Variants in ANK3 observed in about 807,000 individuals in gnomAD.
The protein encoded by ANK3 is ankyrin-3.
Under a neutral mutation model 370.9 loss-of-function variants are expected in ANK3, and 57 were observed. The ratio of observed to expected loss-of-function variants is 0.15; its 90% CI spans 0.12 to 0.19. ANK3 has a LOEUF of 0.19. Among genes scored for constraint, ANK3 ranks in the 10% least tolerant of loss-of-function variants. ANK3 has a pLI of 1.00. For synonymous variants in ANK3, 1,929 were observed against 1,946.3 expected (o/e 0.99, Z 0.23); for missense variants, 4,439 against 5,302.1 (o/e 0.84, Z 5.06).
intron 16 of ANK3, among the ~76,000 whole-genome samples, chr10:60,192,174 G>A (rs1263171527): frequency 6.6e-6 from 1 of 152,072 alleles, no homozygotes; most frequent in Non-Finnish European, 1.5e-5. Flanking sequence ...TTACAGGCGT[G>A]AGCCACCGCA....
At chr10:60,728,322 T>G (rs955540476) in intron 1 of ANK3, among the ~76,000 whole-genome samples, 2 of 152,198 alleles carry the variant, frequency 1.3e-5, no homozygotes, top group African/African-American at 4.8e-5. Context: ...TGACATGTCA[T>G]CTTACCACTT....
At chr10:60,333,764 C>T (rs1407648193) in intron 1 of ANK3, among the ~76,000 whole-genome samples, 1 of 152,210 alleles carries the variant, frequency 6.6e-6, no homozygotes, top group Non-Finnish European at 1.5e-5. Context: ...CTCCCACCAA[C>T]AGTGTAAAAG....
At position 60,417,703 on chromosome 10, in the gene ANK3, G is replaced by C. The variant is rs147809618; in HGVS notation, c.97-138064C>G. ...CTACTGGAGGGACACAGACTGGCAG[G>C]TGGATGATGTCACAATTAGGACCAA... is the stretch of plus-strand genomic sequence containing the variant. On this transcript the variant is annotated intron_variant, in intron 2 of 43. Transcript: ENST00000373827. Among the ~76,000 whole-genome samples the C allele has an allele frequency of 3.7e-4, 57 of 152,254 alleles. No homozygotes were observed. The East Asian group carries it at 9.3e-3, about 25-fold the overall frequency.
chr10:60,179,863 C>A (rs1360949755), intron 18 of ANK3, among the ~76,000 whole-genome samples: 1 of 152,108 alleles, frequency 6.6e-6, no homozygotes, highest in Non-Finnish European at 1.5e-5. Context: ...CCTCACCATA[C>A]TCCCTGGCTG....
chr10:60,504,807 G>A (rs2133150635), intron 2 of ANK3, among the ~76,000 whole-genome samples: 1 of 151,962 alleles, frequency 6.6e-6, no homozygotes, highest in African/African-American at 2.4e-5. Flanking sequence ...CAGAGAGGAG[G>A]GAAAAGTAGA....
chr10:60,446,626 G>A (rs1048514970), intron 2 of ANK3, among the ~76,000 whole-genome samples: 13 of 152,116 alleles, frequency 8.5e-5, no homozygotes, highest in African/African-American at 3.1e-4. Flanking sequence ...TTTCCATACA[G>A]CCAAGGGCAG....
At chr10:60,663,527 C>A (rs562933861) in intron 1 of ANK3, among the ~76,000 whole-genome samples, 2 of 152,286 alleles carry the variant, frequency 1.3e-5, no homozygotes, top group African/African-American at 4.8e-5. Flanking sequence ...GTGGTCCAGG[C>A]TTGGAGGGAA....
intron 27 of ANK3, among the ~76,000 whole-genome samples, chr10:60,107,396 A>T (rs2092299347): frequency 6.6e-6 from 1 of 152,182 alleles, no homozygotes; most frequent in African/African-American, 2.4e-5. Flanking sequence ...ATGTGGCTTT[A>T]TGTATGATGT....
chr10:60,424,174 T>C lies in ANK3; in HGVS notation c.97-144535A>G, dbSNP rs183568437. Among the ~76,000 whole-genome samples the C allele has an allele frequency of 2.3e-3, 343 of 152,090 alleles. 2 individuals carry two copies. Among genetic ancestry groups the C allele is most frequent in the African/African-American group, 7.8e-3 (325 of 41,514 alleles). ...TCACTATACTTAGGGTGACCACACA[T>C]CCTGGTTTTGGCCAGCACAGCTCCA... On this transcript the variant is annotated intron_variant, in intron 2 of 43. Coordinates refer to the ANK3 transcript ENST00000373827.
At chr10:60,596,388 A>G (rs1195332789) in intron 2 of ANK3, among the ~76,000 whole-genome samples, 1 of 152,176 alleles carries the variant, frequency 6.6e-6, no homozygotes, top group African/African-American at 2.4e-5. Flanking sequence ...TAATAAGAAC[A>G]ATATTTTATA....
intron 2 of ANK3, among the ~76,000 whole-genome samples, chr10:60,412,560 T>G (rs1567019548): frequency 1.3e-5 from 2 of 152,172 alleles, no homozygotes; most frequent in Non-Finnish European, 2.9e-5. Flanking sequence ...ACAACAAATC[T>G]CTTTCTGTGT....
chr10:60,370,783 G>A (rs1436388126), intron 1 of ANK3, among the ~76,000 whole-genome samples: 1 of 152,080 alleles, frequency 6.6e-6, no homozygotes, highest in Non-Finnish European at 1.5e-5. Flanking sequence ...CCGTGTTCTC[G>A]GATGTTCCAA....
At chr10:60,034,088 T>G (rs184527681) in intron 43 of ANK3, among the ~76,000 whole-genome samples, 164 of 150,452 alleles carry the variant, frequency 1.1e-3, no homozygotes, top group African/African-American at 3.2e-3. Context: ...TTTGTTTTTT[T>G]TTTTGTTTTG....
intron 1 of ANK3, among the ~76,000 whole-genome samples, chr10:60,304,260 AC>A (rs2044467502): frequency 6.7e-6 from 1 of 148,620 alleles, no homozygotes; most frequent in Admixed American, 6.7e-5. Flanking sequence ...TTCATAACAC[AC>A]ACACACACAC....
rs779594260 is a variant in ANK3 at position 60,029,035 on chromosome 10, A to T, written c.*811T>A. On this transcript the variant is annotated 3_prime_UTR_variant, in exon 44 of 44. Transcript: ENST00000280772. ...GATACACATGCATCAAAATATTAGT[A>T]TTCTGAAGAAAAAAATTTTTCACAG... is the stretch of plus-strand genomic sequence containing the variant. The T allele has an allele frequency of 7.2e-5, 11 of 152,662 alleles. No individual in the cohort carries two copies. The highest frequency in any genetic ancestry group is 1.3e-4 in the Admixed American group (2 of 15,282). The allele number at this position is 152,662 out of a possible 1,614,324, so 9.5% of individuals were successfully genotyped here. A position where few individuals can be genotyped will look rare whatever the true frequency, so the allele number is the denominator to read the frequency against.
intron 2 of ANK3, among the ~76,000 whole-genome samples, chr10:60,494,740 GA>G (rs769900604): frequency 1.3e-5 from 2 of 152,072 alleles, no homozygotes; most frequent in Non-Finnish European, 2.9e-5. Flanking sequence ...TAAAATTCAG[GA>G]ATGTTATATG....
At chr10:60,275,122 A>G (rs2098068500) in intron 4 of ANK3, among the ~76,000 whole-genome samples, 1 of 152,236 alleles carries the variant, frequency 6.6e-6, no homozygotes, top group South Asian at 2.1e-4. Context: ...GAACATTTCC[A>G]AAACAAAGGT....
intron 40 of ANK3, chr10:60,062,893 C>T (rs989054051): frequency 4.1e-5 from 15 of 369,020 alleles, no homozygotes; most frequent in South Asian, 8.5e-5. Context: ...GGCGTTCATA[C>T]GTCATGATTT....
At chr10:60,563,071 A>G (rs1275204429) in intron 2 of ANK3, among the ~76,000 whole-genome samples, 2 of 152,232 alleles carry the variant, frequency 1.3e-5, no homozygotes, top group Non-Finnish European at 2.9e-5. Flanking sequence ...AATAGTAATC[A>G]GGACTCTTTT....
Sources: allele counts gnomAD v4.1 joint callset (sites outside exome capture counted in the v4.1 genomes callset), GRCh38; gene constraint gnomAD v4.1.1; transcripts MANE v1.5; gene names NCBI Gene and HGNC (gene_info 2026-07-23, HGNC 2026-07-21).